The following FHIT variants were observed in gnomAD, a reference collection of about 807,000 sequenced individuals.
FHIT encodes the protein fragile histidine triad diadenosine triphosphatase.
A neutral mutation model predicts 17.9 loss-of-function variants in FHIT; 19 were observed. The observed-to-expected ratio is 1.06, with a 90% CI of 0.74 to 1.56. The LOEUF is 1.56. FHIT is among the 40% of genes most tolerant of loss of function. FHIT has a pLI of 0.00. For missense variants in FHIT, 248 were observed against 189.2 expected (o/e 1.31, Z -1.82); for synonymous variants, 81 against 69.7 (o/e 1.16, Z -0.81).
intron 2 of FHIT, among the ~76,000 whole-genome samples, chr3:61,158,908 C>T (rs1265213922): frequency 6.6e-6 from 1 of 152,146 alleles, no homozygotes; most frequent in Non-Finnish European, 1.5e-5. Flanking sequence ...AGTGACAAGC[C>T]CTTCTCCACT....
At chr3:60,741,080 C>T (rs541672684) in intron 4 of FHIT, among the ~76,000 whole-genome samples, 60 of 152,302 alleles carry the variant, frequency 3.9e-4, no homozygotes, top group Middle Eastern at 6.8e-3. Flanking sequence ...TGGGAAAAGA[C>T]AAGTTGCTGG....
At chr3:60,398,849 A>T (rs1234639345) in intron 5 of FHIT, among the ~76,000 whole-genome samples, 1 of 149,704 alleles carries the variant, frequency 6.7e-6, no homozygotes, top group Non-Finnish European at 1.5e-5. Flanking sequence ...AAAAACTGAC[A>T]AACTCTGGAT....
chr3:61,216,377 A>G (rs536738477), intron 1 of FHIT, among the ~76,000 whole-genome samples: 42 of 152,356 alleles, frequency 2.8e-4, no homozygotes, highest in Admixed American at 1.1e-3. Flanking sequence ...TATGCAGCCA[A>G]AAAACACATG....
intron 5 of FHIT, among the ~76,000 whole-genome samples, chr3:60,125,329 A>T (rs9818283): frequency 0.44 from 67,200 of 151,596 alleles, 15,164 homozygotes; most frequent in African/African-American, 0.48. Flanking sequence ...TGTGCAAATT[A>T]ATTTTTAAAA....
intron 5 of FHIT, among the ~76,000 whole-genome samples, chr3:60,283,490 A>G (rs1014424962): frequency 6.6e-6 from 1 of 152,156 alleles, no homozygotes; most frequent in African/African-American, 2.4e-5. Flanking sequence ...ACATGTATCC[A>G]TCACCATTAT....
At chr3:60,629,863 G>A (rs1056545490) in intron 4 of FHIT, among the ~76,000 whole-genome samples, 1 of 152,180 alleles carries the variant, frequency 6.6e-6, no homozygotes, top group Non-Finnish European at 1.5e-5. Flanking sequence ...AATCATAAGA[G>A]CAGGGATACA....
At chr3:60,452,132 G>A (rs2031788494) in intron 5 of FHIT, among the ~76,000 whole-genome samples, 1 of 152,146 alleles carries the variant, frequency 6.6e-6, no homozygotes, top group African/African-American at 2.4e-5. Flanking sequence ...GAGAAATACT[G>A]TAACCACATA....
chr3:60,041,933 T>C (rs1370693070), intron 5 of FHIT, among the ~76,000 whole-genome samples: 1 of 152,252 alleles, frequency 6.6e-6, no homozygotes, highest in Admixed American at 6.5e-5. Flanking sequence ...ATTTCTGAAA[T>C]ATATACTTTG....
In FHIT at chr3:60,744,194, G is replaced by GT. The variant is rs2042296165; in HGVS notation, c.-18+77724dup. On this transcript the variant is annotated intron_variant, in intron 4 of 9. Coordinates refer to ENST00000492590, the MANE Select transcript of FHIT (RefSeq NM_002012.4). ...ACAGCAGTCTACTGACGAAAAACGC[G>GT]TTTTCCCTATGCAAACTGTTTACTT... Among the ~76,000 whole-genome samples the GT allele has an allele frequency of 3.0e-5, 4 of 133,354 alleles. No individual in the cohort carries two copies. In the South Asian group the frequency reaches 9.6e-4, roughly 32 times the overall value. The allele number at this position is 133,354 out of a possible 152,430, so 87.5% of individuals were successfully genotyped here.
intron 5 of FHIT, among the ~76,000 whole-genome samples, chr3:60,425,567 AC>A (rs1195208317): frequency 6.6e-6 from 1 of 152,192 alleles, no homozygotes; most frequent in East Asian, 1.9e-4. Flanking sequence ...TTTTAACACA[AC>A]CCAAAGGGCC....
At chr3:61,130,643 G>A (rs1161565563) in intron 2 of FHIT, among the ~76,000 whole-genome samples, 1 of 152,164 alleles carries the variant, frequency 6.6e-6, no homozygotes, top group African/African-American at 2.4e-5. Context: ...AGAGGCACAC[G>A]AACACAGGAG....
chr3:60,516,491 C>T lies in FHIT; in HGVS notation c.103+20369G>A, dbSNP rs185376603. On this transcript the variant is annotated intron_variant, in intron 5 of 9. Coordinates refer to ENST00000492590, the MANE Select transcript of FHIT (RefSeq NM_002012.4). Reference sequence around the variant, plus strand: ...CAAAGGTCTTGGGGACCTTCCGGGGCCCCAGGACCACTGGTCTAGAGAAAG... The same window carrying T: ...CAAAGGTCTTGGGGACCTTCCGGGGTCCCAGGACCACTGGTCTAGAGAAAG... Among the ~76,000 whole-genome samples, 29 of 152,222 alleles carry T rather than the reference C, an allele frequency of 1.9e-4. No individual in the cohort carries two copies. In the East Asian group the frequency reaches 4.5e-3, roughly 23 times the overall value.
intron 5 of FHIT, among the ~76,000 whole-genome samples, chr3:60,051,800 A>G (rs974414620): frequency 1.3e-5 from 2 of 152,172 alleles, no homozygotes; most frequent in African/African-American, 2.4e-5. Context: ...GAAACAAACC[A>G]TATATGGTGA....
chr3:59,939,814 C>T (rs566331583), intron 7 of FHIT, among the ~76,000 whole-genome samples: 5 of 152,138 alleles, frequency 3.3e-5, no homozygotes, highest in South Asian at 4.2e-4. Flanking sequence ...ACACCCTCAC[C>T]GGCAAAAAGT....
chr3:60,567,698 G>C (rs1314759998), intron 4 of FHIT, among the ~76,000 whole-genome samples: 1 of 151,638 alleles, frequency 6.6e-6, no homozygotes, highest in East Asian at 1.9e-4. Context: ...AATTTTTGCA[G>C]TCTACCCATC....
At chr3:61,062,914 T>G (rs2034476933) in intron 2 of FHIT, among the ~76,000 whole-genome samples, 2 of 152,152 alleles carry the variant, frequency 1.3e-5, no homozygotes, top group Admixed American at 1.3e-4. Context: ...TGCTACGCAT[T>G]CCAAATGGCG....
chr3:60,870,533 C>G (rs1272560927), intron 3 of FHIT, among the ~76,000 whole-genome samples: 3 of 152,108 alleles, frequency 2.0e-5, no homozygotes, highest in East Asian at 3.9e-4. Context: ...GTTCCACAGG[C>G]AAGGCTATCC....
intron 5 of FHIT, among the ~76,000 whole-genome samples, chr3:60,414,427 A>G (rs995812842): frequency 2.6e-5 from 4 of 152,158 alleles, no homozygotes; most frequent in Non-Finnish European, 5.9e-5. Context: ...GCTCAGTGAC[A>G]ATATCAGTGC....
At chr3:60,922,359 GA>G (rs1396691215) in intron 3 of FHIT, among the ~76,000 whole-genome samples, 2 of 152,128 alleles carry the variant, frequency 1.3e-5, no homozygotes, top group Admixed American at 1.3e-4. Flanking sequence ...CCATGAAAAA[GA>G]AATAAAAATG....
Sources: allele counts gnomAD v4.1 joint callset (sites outside exome capture counted in the v4.1 genomes callset), GRCh38; gene constraint gnomAD v4.1.1; transcripts MANE v1.5; gene names NCBI Gene and HGNC (gene_info 2026-07-23, HGNC 2026-07-21).